CYP2A13: variants seen among roughly 807,000 people sequenced by gnomAD.
CYP2A13 encodes the protein cytochrome P450 family 2 subfamily A member 13, also known as cytochrome P450 2A13.
CYP2A13 carries 30 observed loss-of-function variants against 39.4 expected under a neutral mutation model. The ratio of observed to expected loss-of-function variants is 0.76; its 90% CI spans 0.57 to 1.03. CYP2A13 has a LOEUF of 1.03. CYP2A13 is among the 50% of genes least tolerant of loss of function. The pLI is 0.00. For synonymous variants in CYP2A13, 269 were observed against 254.7 expected (o/e 1.06, Z -0.54); for missense variants, 731 against 648.4 (o/e 1.13, Z -1.38).
intron 5 of CYP2A13, among the ~76,000 whole-genome samples, chr19:41,092,828 G>A (rs2031220874): frequency 6.6e-6 from 1 of 152,200 alleles, no homozygotes. Context: ...AGGATCAAGG[G>A]AGGGATTCCT....
rs533184249 is a variant in CYP2A13 at position 41,093,728 on chromosome 19, G to A, written c.930G>A (p.Leu310=). 2 of 1,614,032 alleles carry A rather than the reference G, an allele frequency of 1.2e-6. No individual in the cohort carries two copies. The highest frequency in any genetic ancestry group is 1.7e-5 in the Admixed American group (1 of 59,988). ...GCACTGAGACCGTGAGCACCACCCT[G>A]CGCTACGGTTTCCTGCTGCTCATGA... is the stretch of plus-strand genomic sequence containing the variant. ...FAGTETVSTT[L]RYGFLLLMKH... is the part of the protein sequence containing the mutation. Residue 310 remains leucine (L), a synonymous_variant, in exon 6 of 9, where the codon CTG becomes CTA. Transcript: ENST00000330436.
intron 2 of CYP2A13, among the ~76,000 whole-genome samples, chr19:41,089,842 C>G: frequency 7.9e-6 from 1 of 126,646 alleles, no homozygotes; most frequent in South Asian, 2.6e-4. Context: ...CTCTCTCTCT[C>G]TCTCTCTCTC....
chr19:41,092,232 T>C lies in CYP2A13; in HGVS notation c.831+324T>C, dbSNP rs1232970784. ...TCAGGAGGCTGAGACAGAAGAATTGTTTGAATCCGGGAGGCAGAGGTTGCA... is the reference window on the plus strand; with the variant it reads ...TCAGGAGGCTGAGACAGAAGAATTGCTTGAATCCGGGAGGCAGAGGTTGCA... On this transcript the variant is annotated intron_variant, in intron 5 of 8. Coordinates refer to ENST00000330436, the MANE Select transcript of CYP2A13 (RefSeq NM_000766.5). Among the ~76,000 whole-genome samples, 9 of 149,536 alleles carry C rather than the reference T, an allele frequency of 6.0e-5. 1 individual carries two copies. Among genetic ancestry groups the C allele is most frequent in the Non-Finnish European group, 1.3e-4 (9 of 67,722 alleles).
rs113806551 is a variant in CYP2A13, at chr19:41,095,740, C to T, written c.1304-20C>T. 510 of 1,613,696 alleles carry T rather than the reference C, an allele frequency of 3.2e-4. No individual in the cohort carries two copies. In the African/African-American group the frequency reaches 5.9e-3, roughly 19 times the overall value. ...CTGAGAGTGGGCTTCACCTTCACCC[C>T]TCCTGCCTCTCCTCCTCAGGAAAGC... On this transcript the variant is annotated intron_variant, in intron 8 of 8. Coordinates refer to ENST00000330436, the MANE Select transcript of CYP2A13 (RefSeq NM_000766.5).
Position 41,094,469 on chromosome 19 carries a change from G to A in CYP2A13, c.1161+37G>A, listed in dbSNP as rs747817040. Reference sequence around the variant, plus strand: ...CCTCCACCACCACCACTCAGACTACGGGGACTTCCAGCCTCTCTCTGTGTC... The same window carrying A: ...CCTCCACCACCACCACTCAGACTACAGGGACTTCCAGCCTCTCTCTGTGTC... On this transcript the variant is annotated intron_variant, in intron 7 of 8. Coordinates refer to ENST00000330436, the MANE Select transcript of CYP2A13 (RefSeq NM_000766.5). The A allele has an allele frequency of 3.5e-5, 57 of 1,611,656 alleles. No individual in the cohort carries two copies. The East Asian group carries it at 1.1e-3, about 30-fold the overall frequency.
intron 8 of CYP2A13, 48 bp downstream of exon 8, chr19:41,095,148 G>A (rs746175069): frequency 3.1e-6 from 5 of 1,613,786 alleles, no homozygotes; most frequent in Non-Finnish European, 4.2e-6. Flanking sequence ...ACCAGCAGGG[G>A]CCTCTCTCAC....
rs759905830 is a variant in CYP2A13 at position 41,090,004 on chromosome 19, G to A, written c.344-43G>A. Reference sequence around the variant, plus strand: ...TTGGAGCTGGTCCGCTCCTGCTCCCGCCGCCCCCTGACCTCTCTCCACCCC... The same window carrying A: ...TTGGAGCTGGTCCGCTCCTGCTCCCACCGCCCCCTGACCTCTCTCCACCCC... On this transcript the variant is annotated intron_variant, in intron 2 of 8. Coordinates refer to ENST00000330436, the MANE Select transcript of CYP2A13 (RefSeq NM_000766.5). The A allele has an allele frequency of 1.0e-4, 157 of 1,551,050 alleles. 2 individuals carry two copies. In the South Asian group the frequency reaches 1.8e-3, roughly 18 times the overall value.
In CYP2A13 at chr19:41,095,925, G is replaced by A. The variant is rs2144729144; in HGVS notation, c.1469G>A (p.Ser490Asn). ...FATIPRNYTM[S>N]FLPR The stretch of plus-strand genomic sequence containing the variant: ...ACGATCCCACGAAACTACACCATGA[G>A]CTTCCTGCCCCGCTGAGCGAGGGCT... Residue 490 changes from serine to asparagine, a missense_variant, in exon 9 of 9, where the codon AGC (serine) becomes AAC (asparagine). Ser to Asn is a conservative substitution (Grantham distance 46). Coordinates refer to ENST00000330436, the MANE Select transcript of CYP2A13 (RefSeq NM_000766.5). The A allele has an allele frequency of 6.2e-7, 1 of 1,613,634 alleles. No individual in the cohort carries two copies. The highest frequency in any genetic ancestry group is 8.5e-7 in the Non-Finnish European group (1 of 1,179,850).
intron 7 of CYP2A13, among the ~76,000 whole-genome samples, 171 bp downstream of exon 7, chr19:41,094,603 C>A (rs781628294): frequency 2.6e-5 from 4 of 152,126 alleles, no homozygotes; most frequent in Non-Finnish European, 5.9e-5. Context: ...CTTAGACAGT[C>A]CTGAGTCCTG....
At position 41,088,972 on chromosome 19, in the gene CYP2A13, C is replaced by T; in HGVS notation, c.224C>T (p.Pro75Leu). ...CCTGTGTTCACCATTCACTTGGGGCCCCGGCGGGTCGTGGTGCTGTGCGGA... is the reference window on the plus strand; with the variant it reads ...CCTGTGTTCACCATTCACTTGGGGCTCCGGCGGGTCGTGGTGCTGTGCGGA... Reference protein sequence around the residue: ...YGPVFTIHLGPRRVVVLCGHD... With the variant: ...YGPVFTIHLGLRRVVVLCGHD... Residue 75 changes from proline (P) to leucine (L), a missense_variant, in exon 2 of 9, where the codon CCC becomes CTC. Transcript: ENST00000330436. 3.1e-6 allele frequency: 5 copies of T among 1,613,936 alleles called. No homozygotes were observed. Among genetic ancestry groups the T allele is most frequent in the Non-Finnish European group, 4.2e-6 (5 of 1,179,900 alleles).
At chr19:41,093,087 C>T (rs138324467) in intron 5 of CYP2A13, among the ~76,000 whole-genome samples, 3 of 152,048 alleles carry the variant, frequency 2.0e-5, no homozygotes, top group African/African-American at 4.8e-5. Context: ...TGCCTGCGGT[C>T]CCAGCTACTA....
chr19:41,092,018 A>C, intron 5 of CYP2A13, 110 bp downstream of exon 5: 1 of 1,497,548 alleles, frequency 6.7e-7, no homozygotes. Flanking sequence ...CCTCGTCATA[A>C]TAATCCTTAC....
At position 41,094,310 on chromosome 19, in the gene CYP2A13, G is replaced by A. The variant is rs756443146; in HGVS notation, c.1039G>A (p.Ala347Thr). 2 of 1,614,072 alleles carry A rather than the reference G, an allele frequency of 1.2e-6. No homozygotes were observed. The highest frequency in any genetic ancestry group is 1.1e-5 in the South Asian group (1 of 91,072). The stretch of plus-strand genomic sequence containing the variant: ...CCGGCAGCCCAAGTTTGAGGACCGG[G>A]CCAAGATGCCCTACACAGAGGCAGT... ...KNRQPKFEDRAKMPYTEAVIH... is the reference protein window; with the variant it reads ...KNRQPKFEDRTKMPYTEAVIH... Residue 347 changes from alanine (A) to threonine (T), a missense_variant, in exon 7 of 9, where the codon GCC becomes ACC. Coordinates refer to ENST00000330436, the MANE Select transcript of CYP2A13 (RefSeq NM_000766.5).
At chr19:41,092,918 CT>C (rs1018146733) in intron 5 of CYP2A13, among the ~76,000 whole-genome samples, 1 of 152,164 alleles carries the variant, frequency 6.6e-6, no homozygotes, top group Non-Finnish European at 1.5e-5. Context: ...CAGAAAAACT[CT>C]TTTTTTCTGA....
At chr19:41,093,014 A>G (rs898125526) in intron 5 of CYP2A13, among the ~76,000 whole-genome samples, 2 of 152,122 alleles carry the variant, frequency 1.3e-5, no homozygotes, top group East Asian at 1.9e-4. Flanking sequence ...TTAAAAAAGT[A>G]ACAGACTGGG....
At position 41,088,611 on chromosome 19, in the gene CYP2A13, T is replaced by C; in HGVS notation, c.140T>C (p.Leu47Pro). 1 of 1,614,054 alleles carries C rather than the reference T, an allele frequency of 6.2e-7. No individual in the cohort carries two copies. Among genetic ancestry groups the C allele is most frequent in the Non-Finnish European group, 8.5e-7 (1 of 1,179,934 alleles). ...CCATTGCCCTTCATTGGAAACTACC[T>C]GCAGCTGAACACAGAGCAGATGTAC... ...PTPLPFIGNY[L>P]QLNTEQMYNS... The change falls in exon 1 of 9, where the codon CTG becomes CCG. Residue 47 changes from leucine (L) to proline (P), a missense_variant. Physicochemically the swap from Leu to Pro is moderately conservative, Grantham distance 98. Coordinates refer to ENST00000330436, the MANE Select transcript of CYP2A13 (RefSeq NM_000766.5).
Position 41,095,906 on chromosome 19 carries a change from C to T in CYP2A13, c.1450C>T (p.Pro484Ser), listed in dbSNP as rs760402358. The change falls in exon 9 of 9, where the codon CCA becomes TCA. Residue 484 changes from proline (P) to serine (S), a missense_variant. Coordinates refer to ENST00000330436, the MANE Select transcript of CYP2A13 (RefSeq NM_000766.5). ...CAAACACGTGGGCTTTGCCACGATC[C>T]CACGAAACTACACCATGAGCTTCCT... ...SPKHVGFATI[P>S]RNYTMSFLPR 3.7e-6 allele frequency: 6 copies of T among 1,613,898 alleles called. No individual in the cohort carries two copies. In the Admixed American group the frequency reaches 8.3e-5, roughly 22 times the overall value.
At chr19:41,089,836 C>CG (rs765346280) in intron 2 of CYP2A13, among the ~76,000 whole-genome samples, 2,059 of 130,922 alleles carry the variant, frequency 0.016, 122 homozygotes, top group Non-Finnish European at 0.025. Flanking sequence ...CTCTCTCTCT[C>CG]TCTCTCTCTC....
chr19:41,094,202 C>G (rs1188523610), intron 6 of CYP2A13, 43 bp from the exon 7 acceptor site: 1 of 1,606,828 alleles, frequency 6.2e-7, no homozygotes. Flanking sequence ...CATCCCTGCT[C>G]TAAGACCCCT....
Sources: allele counts gnomAD v4.1 joint callset (sites outside exome capture counted in the v4.1 genomes callset), GRCh38; gene constraint gnomAD v4.1.1; transcripts MANE v1.5; gene names NCBI Gene and HGNC (gene_info 2026-07-23, HGNC 2026-07-21).